Variants in PPARGC1A observed in about 807,000 individuals in gnomAD.
The protein encoded by PPARGC1A is peroxisome proliferator-activated receptor gamma coactivator 1-alpha.
A neutral mutation model predicts 88.7 loss-of-function variants in PPARGC1A; 25 were observed. The observed-to-expected ratio is 0.28, with a 90% CI of 0.21 to 0.39. The LOEUF (loss-of-function observed/expected upper bound fraction) is 0.39, where lower values mean the gene tolerates loss of function less well. Ranked by LOEUF, PPARGC1A falls within the 10% of genes least tolerant of loss-of-function variation. The probability of loss-of-function intolerance (pLI) is 1.00; values close to 1 mark genes in which losing one functional copy is unlikely to be tolerated. For synonymous variants in PPARGC1A, 363 were observed against 355.6 expected (o/e 1.02, Z -0.24); for missense variants, 880 against 968.7 (o/e 0.91, Z 1.22).
chr4:24,442,917 T>C, the PPARGC1A span, among the ~76,000 whole-genome samples: 1 of 152,218 alleles, frequency 6.6e-6, no homozygotes, highest in Non-Finnish European at 1.5e-5. Context: ...TTTTATGATC[T>C]GAGATCTTTA....
At chr4:24,049,477 G>C in the PPARGC1A span, among the ~76,000 whole-genome samples, 7 of 151,582 alleles carry the variant, frequency 4.6e-5, no homozygotes, top group African/African-American at 1.7e-4. Flanking sequence ...GGGTGAATTG[G>C]GTGAAATTTG....
At chr4:24,177,619 TTAAATAAATAAATAAATAAATAAA>T in the PPARGC1A span, among the ~76,000 whole-genome samples, 765 of 124,914 alleles carry the variant, frequency 6.1e-3, 10 homozygotes, top group African/African-American at 0.023. Context: ...TCAAGTATAA[TTAAATAAATAAATAAATAAATAAA>T]TAAATAAATA....
chr4:23,989,812 T>C, the PPARGC1A span, among the ~76,000 whole-genome samples: 4 of 151,664 alleles, frequency 2.6e-5, no homozygotes, highest in Non-Finnish European at 4.4e-5. Flanking sequence ...CAGGCTATTC[T>C]TTGACAAGAT....
the PPARGC1A span, among the ~76,000 whole-genome samples, chr4:24,108,620 A>G: frequency 6.6e-6 from 1 of 152,142 alleles, no homozygotes; most frequent in East Asian, 1.9e-4. Flanking sequence ...AGGAATCATT[A>G]TCCTCATTCT....
At chr4:24,214,560 G>A in the PPARGC1A span, among the ~76,000 whole-genome samples, 4 of 152,150 alleles carry the variant, frequency 2.6e-5, no homozygotes, top group Non-Finnish European at 5.9e-5. Context: ...GGCAGACAGT[G>A]GACTCCAACT....
At chr4:23,814,731 TGAA>T (rs1721637704) in intron 7 of PPARGC1A, 126 bp from the exon 8 acceptor site, 4 of 905,012 alleles carry the variant, frequency 4.4e-6, no homozygotes, top group Non-Finnish European at 4.8e-6. Context: ...TCAAACTGAG[TGAA>T]GAAGAAGGAA....
chr4:23,926,136 C>T, the PPARGC1A span, among the ~76,000 whole-genome samples: 163 of 152,268 alleles, frequency 1.1e-3, no homozygotes, highest in Non-Finnish European at 1.8e-3. Flanking sequence ...TCTTCCTTGG[C>T]TCATCTCATT....
intron 7 of PPARGC1A, among the ~76,000 whole-genome samples, chr4:23,815,102 C>T (rs1721707326): frequency 6.8e-6 from 1 of 147,178 alleles, no homozygotes; most frequent in Admixed American, 6.9e-5. Context: ...ACCCTTGGAG[C>T]CAAGGAATTA....
the PPARGC1A span, among the ~76,000 whole-genome samples, chr4:24,120,254 A>G: frequency 2.0e-5 from 3 of 152,114 alleles, no homozygotes; most frequent in African/African-American, 7.2e-5. Context: ...TCATGGAAGG[A>G]TGGGTGAGGA....
the PPARGC1A span, among the ~76,000 whole-genome samples, chr4:24,129,382 A>T: frequency 6.6e-6 from 1 of 152,210 alleles, no homozygotes; most frequent in Non-Finnish European, 1.5e-5. Context: ...TAAATGCCAA[A>T]GTCTACATGT....
At chr4:24,393,738 A>G in the PPARGC1A span, among the ~76,000 whole-genome samples, 25 of 152,224 alleles carry the variant, frequency 1.6e-4, no homozygotes, top group Non-Finnish European at 2.8e-4. Context: ...TCCTTGTGTC[A>G]TCTGTACTAG....
At chr4:24,260,675 C>T in the PPARGC1A span, among the ~76,000 whole-genome samples, 1 of 152,002 alleles carries the variant, frequency 6.6e-6, no homozygotes, top group South Asian at 2.1e-4. Context: ...GTCACAATCA[C>T]ATATGCCTCT....
intron 10 of PPARGC1A, among the ~76,000 whole-genome samples, chr4:23,803,542 C>CT (rs926553809): frequency 6.6e-5 from 10 of 151,972 alleles, no homozygotes; most frequent in Admixed American, 1.3e-4. Context: ...AGGATAAATT[C>CT]TTTTTTTACA....
chr4:24,215,194 C>T, the PPARGC1A span, among the ~76,000 whole-genome samples: 9 of 152,328 alleles, frequency 5.9e-5, no homozygotes, highest in Non-Finnish European at 1.2e-4. Flanking sequence ...CCAGGCTATA[C>T]CAGGCTATAA....
the PPARGC1A span, among the ~76,000 whole-genome samples, chr4:24,470,650 C>T: frequency 6.6e-6 from 1 of 151,992 alleles, no homozygotes; most frequent in Non-Finnish European, 1.5e-5. The surrounding 1 kb of genome is among the most constrained non-coding windows in gnomAD (Gnocchi z 5.8). Context: ...ACTCCGCGCG[C>T]CTGGGCTGCC....
chr4:23,801,691 A>C, intron 12 of PPARGC1A, 39 bp downstream of exon 12: 1 of 1,610,168 alleles, frequency 6.2e-7, no homozygotes, highest in Non-Finnish European at 8.5e-7. Flanking sequence ...TGAGCTCTAC[A>C]TTATGGATTC....
At chr4:24,181,992 T>C in the PPARGC1A span, among the ~76,000 whole-genome samples, 3 of 152,182 alleles carry the variant, frequency 2.0e-5, no homozygotes, top group Non-Finnish European at 4.4e-5. Context: ...CTCACTTTTT[T>C]TTAATTTTAC....
At chr4:24,045,229 A>G in the PPARGC1A span, among the ~76,000 whole-genome samples, 354 of 152,320 alleles carry the variant, frequency 2.3e-3, no homozygotes, top group African/African-American at 8.1e-3. Context: ...TGATATGAGA[A>G]TAAGTATAAA....
At chr4:23,908,110 CAT>C (rs1720281313), upstream of PPARGC1A, among the ~76,000 whole-genome samples, 1 of 152,284 alleles carries the variant, frequency 6.6e-6, no homozygotes, top group East Asian at 1.9e-4. Context: ...TGTTGGGGCA[CAT>C]GTTTGTGGAA....
Sources: allele counts gnomAD v4.1 joint callset (sites outside exome capture counted in the v4.1 genomes callset), GRCh38; gene constraint gnomAD v4.1.1; non-coding constraint Gnocchi (gnomAD v3.1); transcripts MANE v1.5; gene names NCBI Gene and HGNC (gene_info 2026-07-23, HGNC 2026-07-21).